ITPRID2: variants seen among roughly 807,000 people sequenced by gnomAD.
The protein encoded by ITPRID2 is ITPR interacting domain containing 2.
In ITPRID2, 60 loss-of-function variants were observed where a neutral mutation model predicts 124.3. The ratio of observed to expected loss-of-function variants is 0.48; its 90% confidence interval spans 0.39 to 0.60. The LOEUF (loss-of-function observed/expected upper bound fraction) is 0.60, where lower values mean the gene tolerates loss of function less well. ITPRID2 is among the 20% of genes least tolerant of loss of function. The probability of loss-of-function intolerance (pLI) is 0.00; values close to 1 mark genes in which losing one functional copy is unlikely to be tolerated. For missense variants in ITPRID2, 1,553 were observed against 1,512.2 expected (o/e 1.03, Z -0.45); for synonymous variants, 521 against 542.9 (o/e 0.96, Z 0.56).
At position 181,905,721 on chromosome 2, in the gene ITPRID2, T is replaced by G. The variant is rs574267045; in HGVS notation, c.1413+3255T>G. On this transcript the variant is annotated intron_variant, in intron 8 of 17. Transcript: ENST00000431877. The surrounding 1 kb of genome is among the most constrained non-coding windows in gnomAD (Gnocchi z 4.1). The stretch of plus-strand genomic sequence containing the variant: ...ATGTGTTAGTAACTGTTTCTAATCC[T>G]GTCTTCATACTAATTATTGATTTAA... 2.6e-5 allele frequency among the ~76,000 whole-genome samples: 4 copies of G among 152,372 alleles called. No individual in the cohort carries two copies. The highest frequency in any genetic ancestry group is 9.6e-5 in the African/African-American group (4 of 41,590).
chr2:181,920,648 AATGTAATGGAACCAGTAAGCTTC>A lies in ITPRID2; in HGVS notation c.3197_3210+9del. On this transcript the variant is annotated splice_donor_variant and splice_donor_5th_base_variant and coding_sequence_variant and intron_variant, in exon 15 of 18. Transcript: ENST00000431877. LOFTEE classifies it high-confidence loss of function. ...TAACTTGTCATGCCCTTCTCCATTGAATGTAATGGAACCAGTAAGCTTCTTTCCTCTTAAATCACTGGGGAAGG... is the reference window on the plus strand; with the variant it reads ...TAACTTGTCATGCCCTTCTCCATTGATTTCCTCTTAAATCACTGGGGAAGG... The A allele has an allele frequency of 6.2e-7, 1 of 1,612,554 alleles. No homozygotes were observed. Among genetic ancestry groups the A allele is most frequent in the East Asian group, 2.2e-5 (1 of 44,816 alleles).
intron 8 of ITPRID2, among the ~76,000 whole-genome samples, chr2:181,903,184 C>A (rs1160661990): frequency 6.6e-6 from 1 of 152,146 alleles, no homozygotes; most frequent in Admixed American, 6.5e-5. Flanking sequence ...AGCTGAATAG[C>A]TTGGGGCAGG....
In ITPRID2 at chr2:181,919,050, T is replaced by G. The variant is rs1235250292; in HGVS notation, c.2993+168T>G. On this transcript the variant is annotated intron_variant, in intron 13 of 17. Transcript: ENST00000431877. The surrounding 1 kb of genome is among the most constrained non-coding windows in gnomAD (Gnocchi z 4.2). ...ATAGATAGTGTTTTACTAAGTAAAC[T>G]TGTATGCCTTCAATATCCTAAGGGT... Among the ~76,000 whole-genome samples the G allele has an allele frequency of 1.3e-5, 2 of 152,256 alleles. No individual in the cohort carries two copies. The highest frequency in any genetic ancestry group is 2.9e-5 in the Non-Finnish European group (2 of 68,046).
At chr2:181,901,016 T>C in intron 7 of ITPRID2, 112 bp downstream of exon 7, 1 of 841,306 alleles carries the variant, frequency 1.2e-6, no homozygotes, top group Non-Finnish European at 1.8e-6. Context: ...AGTAAAGAGA[T>C]TGATTAACGC....
Position 181,922,250 on chromosome 2 carries a change from T to A in ITPRID2, c.3513T>A (p.Asp1171Glu), listed in dbSNP as rs757836791. The change falls in exon 16 of 18, where the codon GAT becomes GAA. Residue 1171 changes from aspartate to glutamate, a missense_variant. Transcript: ENST00000431877. Reference sequence around the variant, plus strand: ...CAGGCTCTGTGCAGACACCTCCAGATTTGGAAAGTTCTGAGGAAGTTGATG... The same window carrying A: ...CAGGCTCTGTGCAGACACCTCCAGAATTGGAAAGTTCTGAGGAAGTTGATG... ...SRTGSVQTPP[D>E]LESSEEVDAA... The A allele has an allele frequency of 2.8e-5, 45 of 1,614,042 alleles. No homozygotes were observed. The highest frequency in any genetic ancestry group is 3.7e-5 in the Non-Finnish European group (44 of 1,180,048).
chr2:181,920,671 C>G lies in ITPRID2; in HGVS notation c.3210+9C>G, dbSNP rs2125107364. On this transcript the variant is annotated intron_variant, in intron 15 of 17. Coordinates refer to ENST00000431877, the MANE Select transcript of ITPRID2 (RefSeq NM_001130445.3). ...TGAATGTAATGGAACCAGTAAGCTTCTTTCCTCTTAAATCACTGGGGAAGG... is the reference window on the plus strand; with the variant it reads ...TGAATGTAATGGAACCAGTAAGCTTGTTTCCTCTTAAATCACTGGGGAAGG... The G allele has an allele frequency of 6.2e-7, 1 of 1,609,016 alleles. No individual in the cohort carries two copies. Among genetic ancestry groups the G allele is most frequent in the Non-Finnish European group, 8.5e-7 (1 of 1,175,766 alleles).
In ITPRID2 at chr2:181,892,119, A is replaced by C. The variant is rs1263903001; in HGVS notation, c.53A>C (p.Gln18Pro). 1 of 1,558,876 alleles carries C rather than the reference A, an allele frequency of 6.4e-7. No homozygotes were observed. The highest frequency in any genetic ancestry group is 2.4e-5 in the East Asian group (1 of 41,668). The change falls in exon 1 of 18, where the codon CAA (glutamine) becomes CCA (proline). Residue 18 changes from glutamine to proline, a missense_variant. Gln to Pro is a moderately conservative substitution (Grantham distance 76). Transcript: ENST00000431877. The surrounding 1 kb of genome is among the most constrained non-coding windows in gnomAD (Gnocchi z 5.2). ...SAEAEEELEW[Q>P]VASRRRKAWA... ...GAGGCGGAGGAGGAACTGGAGTGGC[A>C]AGTGGCGAGTCGCAGGAGGAAGGCC... is the stretch of plus-strand genomic sequence containing the variant.
Position 181,916,110 on chromosome 2 carries a change from C to T in ITPRID2, c.2470C>T (p.His824Tyr). Residue 824 changes from histidine (H) to tyrosine (Y), a missense_variant, in exon 11 of 18, where the codon CAT becomes TAT. Transcript: ENST00000431877. ...TGAGGCGCCGCGGGTGGAGGAATGCCATCATGGAAGGACTCCTACCTGTTC... is the reference window on the plus strand; with the variant it reads ...TGAGGCGCCGCGGGTGGAGGAATGCTATCATGGAAGGACTCCTACCTGTTC... ...QSEAPRVEEC[H>Y]HGRTPTCSRL... The T allele has an allele frequency of 6.2e-7, 1 of 1,614,180 alleles. No homozygotes were observed. Among genetic ancestry groups the T allele is most frequent in the East Asian group, 2.2e-5 (1 of 44,884 alleles).
At chr2:181,893,043 T>G (rs187671372) in intron 2 of ITPRID2, 37 of 263,032 alleles carry the variant, frequency 1.4e-4, no homozygotes, top group Non-Finnish European at 2.3e-4. Flanking sequence ...ATCATTTTCC[T>G]TTCAAATGTG....
chr2:181,902,523 A>G lies in ITPRID2; in HGVS notation c.1413+57A>G, dbSNP rs1692760855. ...GTTGCAGACTAGGAAAAAAAGTACC[A>G]AAAATGCTTATAAAATGAGAGGTAG... On this transcript the variant is annotated intron_variant, in intron 8 of 17. Coordinates refer to ENST00000431877, the MANE Select transcript of ITPRID2 (RefSeq NM_001130445.3). This position sits in a 1 kb window ranked among gnomAD's most constrained non-coding sequence, Gnocchi z 4.4. The G allele has an allele frequency of 1.6e-6, 2 of 1,271,964 alleles. No individual in the cohort carries two copies. Among genetic ancestry groups the G allele is most frequent in the Non-Finnish European group, 2.2e-6 (2 of 926,268 alleles). 78.8% of individuals were successfully genotyped at this position (1,271,964 alleles called of 1,614,324 possible).
chr2:181,892,675 G>T lies in ITPRID2; in HGVS notation c.257+15G>T. 3 of 1,613,900 alleles carry T rather than the reference G, an allele frequency of 1.9e-6. No individual in the cohort carries two copies. Among genetic ancestry groups the T allele is most frequent in the Non-Finnish European group, 2.5e-6 (3 of 1,179,962 alleles). ...AAGGACTGCCGGTGAGTGCTCCCTGGTCCGCCCGCGTCCCGGGGGAGATCC... is the reference window on the plus strand; with the variant it reads ...AAGGACTGCCGGTGAGTGCTCCCTGTTCCGCCCGCGTCCCGGGGGAGATCC... On this transcript the variant is annotated intron_variant, in intron 2 of 17. Coordinates refer to ENST00000431877, the MANE Select transcript of ITPRID2 (RefSeq NM_001130445.3). The surrounding 1 kb of genome is among the most constrained non-coding windows in gnomAD (Gnocchi z 5.2).
In ITPRID2 at chr2:181,901,933, C is replaced by T. The variant is rs576974564; in HGVS notation, c.880C>T (p.Arg294Cys). Reference protein sequence around the residue: ...PPLTRSNTANRLMKTLSKLNL... With the variant: ...PPLTRSNTANCLMKTLSKLNL... ...TTTAACTCGAAGTAACACTGCAAAT[C>T]GTTTAATGAAAACACTCTCAAAACT... Residue 294 changes from arginine (R) to cysteine (C), a missense_variant, in exon 8 of 18, where the codon CGT becomes TGT. Transcript: ENST00000431877. The T allele has an allele frequency of 2.5e-6, 4 of 1,613,768 alleles. No individual in the cohort carries two copies. Among genetic ancestry groups the T allele is most frequent in the Admixed American group, 1.7e-5 (1 of 59,950 alleles).
intron 6 of ITPRID2, 56 bp from the exon 7 acceptor site, chr2:181,900,640 G>A: frequency 8.2e-7 from 1 of 1,224,498 alleles, no homozygotes; most frequent in Admixed American, 2.1e-5. Context: ...ATGTGGTGTG[G>A]ACTATCAATT....
rs781442728 is a variant in ITPRID2, at chr2:181,919,368, G to A, written c.3066G>A (p.Leu1022=). The change falls in exon 14 of 18, where the codon CTG becomes CTA. Residue 1022 remains leucine, a synonymous_variant. Transcript: ENST00000431877. The surrounding 1 kb of genome is among the most constrained non-coding windows in gnomAD (Gnocchi z 4.2). ...RMELQDLELQ[L]EERLLGLEEQ... ...AACTTCAGGACCTGGAACTGCAGCT[G>A]GAGGAGCGCCTGCTGGGCCTGGAGG... The A allele has an allele frequency of 3.1e-5, 50 of 1,613,924 alleles. No individual in the cohort carries two copies. Among genetic ancestry groups the A allele is most frequent in the Non-Finnish European group, 4.0e-5 (47 of 1,180,006 alleles).
In ITPRID2 at chr2:181,902,375, C is replaced by T; in HGVS notation, c.1322C>T (p.Ser441Phe). Residue 441 changes from serine to phenylalanine, a missense_variant, in exon 8 of 18, where the codon TCC (serine) becomes TTC (phenylalanine). Transcript: ENST00000431877. This position sits in a 1 kb window ranked among gnomAD's most constrained non-coding sequence, Gnocchi z 4.4. ...NSSELKSVHI[S>F]TPEKEPCAPL... ...AGTGAGCTGAAAAGTGTCCATATAT[C>T]CACACCTGAAAAAGAGCCTTGTGCA... 1 of 1,613,808 alleles carries T rather than the reference C, an allele frequency of 6.2e-7. No homozygotes were observed. The highest frequency in any genetic ancestry group is 1.6e-4 in the Middle Eastern group (1 of 6,062).
chr2:181,926,712 CA>C (rs567004734), intron 16 of ITPRID2, among the ~76,000 whole-genome samples: 4,318 of 65,944 alleles, frequency 0.065, 118 homozygotes, highest in Admixed American at 0.22. Flanking sequence ...GAATCCATCT[CA>C]AAAAAAAAAA....
At chr2:181,920,740 G>A in intron 15 of ITPRID2, 78 bp downstream of exon 15, 1 of 1,034,028 alleles carries the variant, frequency 9.7e-7, no homozygotes. Flanking sequence ...TAGTTTAGAT[G>A]AAATATATGT....
rs970897971 is a variant in ITPRID2, at chr2:181,907,065, C to G, written c.1414-2834C>G. On this transcript the variant is annotated intron_variant, in intron 8 of 17. Coordinates refer to ENST00000431877, the MANE Select transcript of ITPRID2 (RefSeq NM_001130445.3). The surrounding 1 kb of genome is among the most constrained non-coding windows in gnomAD (Gnocchi z 5.1). ...ACCATTTTGATATACAATGTTTATT[C>G]AATGATGACAGCTATACAGTCTCTT... Among the ~76,000 whole-genome samples the G allele has an allele frequency of 2.6e-5, 4 of 152,124 alleles. No individual in the cohort carries two copies. The highest frequency in any genetic ancestry group is 2.9e-5 in the Non-Finnish European group (2 of 68,012).
intron 8 of ITPRID2, among the ~76,000 whole-genome samples, chr2:181,908,440 A>G (rs993829077): frequency 6.6e-6 from 1 of 152,236 alleles, no homozygotes; most frequent in African/African-American, 2.4e-5. Context: ...GAAGCTAATA[A>G]TAGACATTTT....
Sources: gnomAD v4.1 joint callset for allele counts (sites outside exome capture counted in the v4.1 genomes callset) on GRCh38, gnomAD v4.1.1 for gene constraint, Gnocchi (gnomAD v3.1) non-coding constraint, MANE v1.5 for transcripts, NCBI Gene and HGNC (gene_info 2026-07-23, HGNC 2026-07-21) for gene names.